Variants in SLC25A26 observed in about 807,000 individuals in gnomAD.
The protein encoded by SLC25A26 is mitochondrial S-adenosylmethionine carrier protein.
In SLC25A26, 36 loss-of-function variants were observed where a neutral mutation model predicts 37.8. The observed-to-expected ratio is 0.95, with a 90% confidence interval of 0.73 to 1.26. SLC25A26 has a LOEUF of 1.26. Among genes scored for constraint, SLC25A26 ranks in the 50% most tolerant of loss-of-function variants. The probability of loss-of-function intolerance (pLI) is 0.00; values close to 1 mark genes in which losing one functional copy is unlikely to be tolerated. For missense variants in SLC25A26, 390 were observed against 331.1 expected, an observed-to-expected ratio of 1.18 and a Z score of -1.38; for synonymous variants, 129 against 122.5, an observed-to-expected ratio of 1.05 and a Z score of -0.35.
At chr3:66,137,464 G>A (rs1298113189) in intron 1 of SLC25A26, among the ~76,000 whole-genome samples, 3 of 152,064 alleles carry the variant, frequency 2.0e-5, no homozygotes, top group Admixed American at 6.6e-5. Context: ...CTGACCACAG[G>A]GGATCCACCA....
chr3:66,369,290 A>G (rs1303325558), intron 7 of SLC25A26, among the ~76,000 whole-genome samples, 188 bp from the exon 8 acceptor site: 1 of 152,226 alleles, frequency 6.6e-6, no homozygotes, highest in African/African-American at 2.4e-5. Flanking sequence ...TTCTTCTCTC[A>G]TGCAGTTCTG....
intron 1 of SLC25A26, among the ~76,000 whole-genome samples, chr3:66,236,327 A>C (rs916632648): frequency 1.3e-5 from 2 of 151,248 alleles, no homozygotes; most frequent in African/African-American, 4.9e-5. Flanking sequence ...AGAAAATATA[A>C]AATTTACAAC....
chr3:66,271,022 A>C (rs773555314), intron 5 of SLC25A26, among the ~76,000 whole-genome samples: 2 of 152,154 alleles, frequency 1.3e-5, no homozygotes, highest in Non-Finnish European at 2.9e-5. Flanking sequence ...GGTTTATGGG[A>C]TGTAAATGCA....
chr3:66,330,583 T>C (rs1432934470), intron 5 of SLC25A26, among the ~76,000 whole-genome samples: 1 of 151,510 alleles, frequency 6.6e-6, no homozygotes. Context: ...CCTTGAGATA[T>C]TAGCTAACAA....
At chr3:66,266,118 C>T (rs62246873) in intron 5 of SLC25A26, among the ~76,000 whole-genome samples, 34 of 152,020 alleles carry the variant, frequency 2.2e-4, no homozygotes, top group African/African-American at 8.2e-4. Context: ...CTCAAAATGG[C>T]AGCGTTTTGT....
At chr3:66,373,968 C>G (rs981314215) in intron 9 of SLC25A26, among the ~76,000 whole-genome samples, 15 of 151,238 alleles carry the variant, frequency 9.9e-5, no homozygotes, top group African/African-American at 3.7e-4. Context: ...CGTCTTCCTG[C>G]CATGTTTCTC....
rs192765537 is a variant in SLC25A26, at chr3:66,163,842, G to A, written c.-354+29858G>A. 7.7e-4 allele frequency among the ~76,000 whole-genome samples: 117 copies of A among 152,232 alleles called. 1 individual carries two copies. Among genetic ancestry groups the A allele is most frequent in the African/African-American group, 2.6e-3 (107 of 41,528 alleles). ...CTAATAATCATTTATTTAGACTAGT[G>A]GTTCTCACCTGGGGATGATTTTGTG... On this transcript the variant is annotated intron_variant, in intron 1 of 10. Coordinates refer to the SLC25A26 transcript ENST00000676754.
At chr3:66,271,013 G>A (rs2073938310) in intron 5 of SLC25A26, among the ~76,000 whole-genome samples, 1 of 152,160 alleles carries the variant, frequency 6.6e-6, no homozygotes. Flanking sequence ...TGTGTGTATG[G>A]TTTATGGGAT....
chr3:66,306,882 A>C (rs758196208), intron 5 of SLC25A26, among the ~76,000 whole-genome samples: 1 of 152,192 alleles, frequency 6.6e-6, no homozygotes, highest in African/African-American at 2.4e-5. Flanking sequence ...TGTATGTGCC[A>C]CATTTTCTTT....
intron 5 of SLC25A26, among the ~76,000 whole-genome samples, chr3:66,278,253 T>C (rs1266730008): frequency 6.6e-6 from 1 of 152,146 alleles, no homozygotes; most frequent in Non-Finnish European, 1.5e-5. Flanking sequence ...GTACTTGTTT[T>C]TAGAGTCATC....
At chr3:66,267,917 C>G (rs574977980) in intron 5 of SLC25A26, among the ~76,000 whole-genome samples, 1 of 152,198 alleles carries the variant, frequency 6.6e-6, no homozygotes, top group Admixed American at 6.5e-5. Flanking sequence ...AGCGATCAAG[C>G]GTCAAGGACT....
chr3:66,280,181 A>G (rs542757006), intron 5 of SLC25A26, among the ~76,000 whole-genome samples: 34 of 152,172 alleles, frequency 2.2e-4, no homozygotes, highest in Non-Finnish European at 3.5e-4. Flanking sequence ...GAAGACACCA[A>G]AGGTCTGGTA....
intron 1 of SLC25A26, among the ~76,000 whole-genome samples, chr3:66,142,553 G>A (rs542235814): frequency 2.0e-5 from 3 of 152,270 alleles, no homozygotes; most frequent in Admixed American, 6.5e-5. Context: ...ACAGGAACTC[G>A]GAGAAGAACC....
At chr3:66,345,947 CT>C (rs1307324531) in intron 5 of SLC25A26, among the ~76,000 whole-genome samples, 6 of 152,200 alleles carry the variant, frequency 3.9e-5, no homozygotes, top group African/African-American at 7.2e-5. Context: ...AATCCCAGCA[CT>C]TTTGGAGGCC....
At chr3:66,227,135 C>T (rs921210567) in intron 1 of SLC25A26, among the ~76,000 whole-genome samples, 11 of 152,154 alleles carry the variant, frequency 7.2e-5, no homozygotes, top group Non-Finnish European at 1.0e-4. Flanking sequence ...TCGTTTAATG[C>T]GAAGACTTGC....
At chr3:66,310,427 C>T (rs796907438) in intron 5 of SLC25A26, among the ~76,000 whole-genome samples, 10 of 152,270 alleles carry the variant, frequency 6.6e-5, no homozygotes, top group African/African-American at 1.7e-4. Context: ...GAATACAGCA[C>T]GCCAGTGGGT....
intron 5 of SLC25A26, among the ~76,000 whole-genome samples, chr3:66,283,374 G>A (rs927931895): frequency 1.5e-4 from 23 of 152,102 alleles, no homozygotes; most frequent in African/African-American, 5.1e-4. Context: ...CCTGTTTCCC[G>A]GGCTCAAGTG....
intron 5 of SLC25A26, among the ~76,000 whole-genome samples, chr3:66,328,861 T>G (rs1170886002): frequency 6.6e-6 from 1 of 152,164 alleles, no homozygotes; most frequent in Non-Finnish European, 1.5e-5. Flanking sequence ...TTTATTGGAT[T>G]AGGAGAACAT....
In SLC25A26 at chr3:66,371,150, C is replaced by T. The variant is rs549453203; in HGVS notation, c.707+548C>T. 46 of 1,427,986 alleles carry T rather than the reference C, an allele frequency of 3.2e-5. No homozygotes were observed. The Admixed American group carries it at 6.7e-4, about 21-fold the overall frequency. The allele number at this position is 1,427,986 out of a possible 1,614,324, so 88.5% of individuals were successfully genotyped here. A position where few individuals can be genotyped will look rare whatever the true frequency, so the allele number is the denominator to read the frequency against. On this transcript the variant is annotated intron_variant, in intron 9 of 9. Transcript: ENST00000354883. ...CTTTGACACCATAAACTTGTGAAGC[C>T]GCCTGAATGTTGAGATCTTACAGGC...
Sources: allele counts gnomAD v4.1 joint callset (sites outside exome capture counted in the v4.1 genomes callset), GRCh38; gene constraint gnomAD v4.1.1; transcripts MANE v1.5; gene names NCBI Gene and HGNC (gene_info 2026-07-23, HGNC 2026-07-21).